Variants in RALY observed in about 807,000 individuals in gnomAD.
RALY encodes the protein RALY heterogeneous nuclear ribonucleoprotein.
RALY carries 15 observed loss-of-function variants against 30.7 expected under a neutral mutation model. The observed-to-expected ratio is 0.49, with a 90% CI of 0.33 to 0.75. The LOEUF is 0.75. RALY is among the 30% of genes least tolerant of loss of function. RALY has a pLI of 0.02. For synonymous variants in RALY, 177 were observed against 170.8 expected, an observed-to-expected ratio of 1.04 and a Z score of -0.28; for missense variants, 339 against 414.3, an observed-to-expected ratio of 0.82 and a Z score of 1.58.
At chr20:34,035,057 G>A (rs910812400) in intron 2 of RALY, among the ~76,000 whole-genome samples, 1 of 148,736 alleles carries the variant, frequency 6.7e-6, no homozygotes. Flanking sequence ...GGAGGCTGAG[G>A]CAGAAGAATG....
intron 2 of RALY, among the ~76,000 whole-genome samples, chr20:34,057,978 T>A (rs1016056632): frequency 2.6e-5 from 4 of 152,194 alleles, no homozygotes; most frequent in Non-Finnish European, 5.9e-5. Context: ...AGCCATGCCC[T>A]TTCTCCTGCA....
intron 1 of RALY, among the ~76,000 whole-genome samples, chr20:34,012,093 A>C (rs1280372521): frequency 2.0e-5 from 3 of 151,108 alleles, no homozygotes; most frequent in Non-Finnish European, 4.4e-5. Flanking sequence ...AAAAGAAAAG[A>C]AGCAGCTATG....
intron 2 of RALY, among the ~76,000 whole-genome samples, chr20:34,051,870 G>A (rs545932899): frequency 4.6e-5 from 7 of 152,214 alleles, no homozygotes; most frequent in Non-Finnish European, 7.3e-5. Context: ...CTCCCAAAGT[G>A]CTGGGATTAC....
intron 5 of RALY, among the ~76,000 whole-genome samples, chr20:34,074,960 C>G (rs2033832793): frequency 6.6e-6 from 1 of 152,166 alleles, no homozygotes; most frequent in Non-Finnish European, 1.5e-5. Flanking sequence ...AAAATTGACC[C>G]AAAGTTTACC....
intron 9 of RALY, among the ~76,000 whole-genome samples, chr20:34,079,307 T>A (rs1450632088): frequency 1.3e-5 from 2 of 152,156 alleles, no homozygotes; most frequent in African/African-American, 4.8e-5. Context: ...GGAGCCTGGA[T>A]TTCAGCCCAG....
chr20:34,076,883 C>T, intron 7 of RALY, 68 bp downstream of exon 7: 1 of 1,590,924 alleles, frequency 6.3e-7, no homozygotes, highest in Non-Finnish European at 8.6e-7. Context: ...GGAAATAGTA[C>T]ATGGGAGAGA....
intron 2 of RALY, among the ~76,000 whole-genome samples, chr20:34,070,493 A>G (rs148542583): frequency 2.0e-5 from 3 of 152,246 alleles, no homozygotes; most frequent in African/African-American, 7.2e-5. Context: ...TCTAAGCCAA[A>G]CAGAACAAAA....
intron 2 of RALY, among the ~76,000 whole-genome samples, chr20:34,054,394 G>A (rs893592684): frequency 6.6e-6 from 1 of 152,200 alleles, no homozygotes; most frequent in Non-Finnish European, 1.5e-5. Context: ...GAGAGTATCT[G>A]GGTCCAGAGG....
chr20:34,018,270 T>G (rs893012718), intron 1 of RALY, among the ~76,000 whole-genome samples: 1 of 152,214 alleles, frequency 6.6e-6, no homozygotes, highest in African/African-American at 2.4e-5. Context: ...TATTAGCAAG[T>G]ACCAACTGAA....
chr20:34,076,184 C>A, intron 6 of RALY, 144 bp downstream of exon 6: 1 of 1,080,044 alleles, frequency 9.3e-7, no homozygotes, highest in Non-Finnish European at 1.3e-6. Flanking sequence ...TATTTTCATG[C>A]ATTTCTAAGA....
chr20:34,051,134 A>C (rs909055086), intron 2 of RALY, among the ~76,000 whole-genome samples: 2 of 152,178 alleles, frequency 1.3e-5, no homozygotes, highest in Admixed American at 1.3e-4. Context: ...TCACATCTTT[A>C]TATATTACAG....
intron 1 of RALY, among the ~76,000 whole-genome samples, chr20:34,002,445 T>A (rs1305276982): frequency 1.3e-5 from 2 of 152,194 alleles, no homozygotes; most frequent in Non-Finnish European, 2.9e-5. Flanking sequence ...ATAATTCCTG[T>A]CCACAAATTA....
intron 1 of RALY, among the ~76,000 whole-genome samples, chr20:33,994,871 A>G (rs2030528619): frequency 6.6e-6 from 1 of 152,200 alleles, no homozygotes; most frequent in Non-Finnish European, 1.5e-5. Flanking sequence ...GAACTTCCCA[A>G]GCCTTATTTC....
chr20:34,021,908 T>TTTA (rs2031838934), intron 1 of RALY, among the ~76,000 whole-genome samples: 1 of 151,178 alleles, frequency 6.6e-6, no homozygotes, highest in Non-Finnish European at 1.5e-5. Flanking sequence ...TTTAAGTTTT[T>TTTA]TTATTATTAA....
chr20:34,058,960 A>T (rs1018337853), intron 2 of RALY, among the ~76,000 whole-genome samples: 1 of 152,106 alleles, frequency 6.6e-6, no homozygotes, highest in African/African-American at 2.4e-5. Flanking sequence ...GATGCTTAGT[A>T]ATGTTTGTGG....
chr20:34,010,955 G>A (rs2031374339), intron 1 of RALY, among the ~76,000 whole-genome samples: 1 of 142,660 alleles, frequency 7.0e-6, no homozygotes, highest in Non-Finnish European at 1.5e-5. Flanking sequence ...CGGAAACCAT[G>A]TCTGTCTTGT....
intron 1 of RALY, among the ~76,000 whole-genome samples, chr20:34,015,604 C>T (rs1451917713): frequency 6.6e-6 from 1 of 151,756 alleles, no homozygotes; most frequent in African/African-American, 2.4e-5. Context: ...TTTTTAACCT[C>T]CCACAGTGCT....
At chr20:34,009,851 CT>C (rs2031323477) in intron 1 of RALY, among the ~76,000 whole-genome samples, 1 of 152,132 alleles carries the variant, frequency 6.6e-6, no homozygotes. Flanking sequence ...GAGTATAGCA[CT>C]TTTTTTGGGA....
chr20:34,019,857 C>T (rs2031750402), intron 1 of RALY, among the ~76,000 whole-genome samples: 1 of 152,036 alleles, frequency 6.6e-6, no homozygotes, highest in South Asian at 2.1e-4. Flanking sequence ...GTCAGGAGAT[C>T]GAGACCATCC....
Sources: allele counts gnomAD v4.1 joint callset (sites outside exome capture counted in the v4.1 genomes callset), GRCh38; gene constraint gnomAD v4.1.1; transcripts MANE v1.5; gene names NCBI Gene and HGNC (gene_info 2026-07-23, HGNC 2026-07-21).